C8B: variants seen among roughly 807,000 people sequenced by gnomAD.
C8B encodes complement component C8 beta chain.
C8B carries 67 observed loss-of-function variants against 64.6 expected under a neutral mutation model. That is an observed-to-expected ratio of 1.04 (90% CI 0.85 to 1.27). The LOEUF (loss-of-function observed/expected upper bound fraction) is 1.27. Ranked by LOEUF, C8B falls within the 50% of genes most tolerant of loss-of-function variation. The probability of loss-of-function intolerance (pLI) is 0.00; values close to 1 mark genes in which losing one functional copy is unlikely to be tolerated. For synonymous variants in C8B, 284 were observed against 257.7 expected (o/e 1.10, Z -0.98); for missense variants, 790 against 725.2 (o/e 1.09, Z -1.03).
chr1:56,952,002 G>T (rs758716138), intron 5 of C8B, 46 bp downstream of exon 5: 14 of 1,611,808 alleles, frequency 8.7e-6, no homozygotes, highest in East Asian at 2.2e-5. Flanking sequence ...CTGCTAACTG[G>T]GTGCTCAGCT....
chr1:56,960,239 A>G (rs1038598375), intron 1 of C8B, 63 bp from the exon 2 acceptor site: 2 of 1,433,984 alleles, frequency 1.4e-6, no homozygotes, highest in Admixed American at 3.3e-5. Context: ...ACATCCAACC[A>G]TCTATTTGTA....
rs375513059 is a variant in C8B at position 56,952,140 on chromosome 1, C to A, written c.574G>T (p.Asp192Tyr). ...CATCCACCTGCATAATACCTGTGAT[C>A]AAGAACTGGGCCCTCAAAACTGTTT... ...FTNSFEGPVL[D>Y]HRYYAGGCSP... The change falls in exon 5 of 12, where the codon GAT (aspartate) becomes TAT (tyrosine). Residue 192 changes from aspartate (D) to tyrosine (Y), a missense_variant. Asp to Tyr is a radical substitution (Grantham distance 160). Coordinates refer to ENST00000371237, the MANE Select transcript of C8B (RefSeq NM_000066.4). 9 of 1,614,054 alleles carry A rather than the reference C, an allele frequency of 5.6e-6. No homozygotes were observed. In the Middle Eastern group the frequency reaches 4.9e-4, roughly 88 times the overall value.
chr1:56,936,424 T>C (rs997799013), intron 9 of C8B, among the ~76,000 whole-genome samples: 4 of 152,108 alleles, frequency 2.6e-5, no homozygotes, highest in Non-Finnish European at 5.9e-5. Flanking sequence ...TGCATCTTTA[T>C]AAACCAACTG....
chr1:56,962,011 A>G (rs1290533773), intron 1 of C8B, among the ~76,000 whole-genome samples: 1 of 152,196 alleles, frequency 6.6e-6, no homozygotes, highest in African/African-American at 2.4e-5. Context: ...TGTATTTGAC[A>G]GCTCTGCAGG....
At chr1:56,939,497 T>A (rs894545422) in intron 9 of C8B, among the ~76,000 whole-genome samples, 1 of 152,182 alleles carries the variant, frequency 6.6e-6, no homozygotes, top group Non-Finnish European at 1.5e-5. Flanking sequence ...CCACCTTGAC[T>A]GCAAGGTGGG....
chr1:56,933,351 T>A lies in C8B; in HGVS notation c.1536A>T (p.Gly512=), dbSNP rs760046072. ...AAGTGGTACCTTTCAGGACAGGGAC[T>A]CCATTTCCTTGGCAGGGAGCACAGT... ...SCHCAPCQGN[G]VPVLKGSRCD... The change falls in exon 10 of 12, where the codon GGA becomes GGT. Residue 512 remains glycine, a synonymous_variant. Coordinates refer to ENST00000371237, the MANE Select transcript of C8B (RefSeq NM_000066.4). 1 of 1,613,780 alleles carries A rather than the reference T, an allele frequency of 6.2e-7. No homozygotes were observed. Among genetic ancestry groups the A allele is most frequent in the Middle Eastern group, 1.7e-4 (1 of 6,060 alleles).
chr1:56,949,771 AGG>A lies in C8B; in HGVS notation c.667-21_667-20del. On this transcript the variant is annotated intron_variant, in intron 5 of 11. Transcript: ENST00000371237. ...CTTGGGTCTAAAGAAGAAAAAAGAA[AGG>A]GTTTTTTATTTCATTTGACTCAAAT... 1 of 1,569,844 alleles carries A rather than the reference AGG, an allele frequency of 6.4e-7. No homozygotes were observed. The highest frequency in any genetic ancestry group is 1.7e-5 in the Admixed American group (1 of 59,004).
Position 56,956,692 on chromosome 1 carries a change from C to G in C8B, c.391+77G>C, listed in dbSNP as rs979576377. The G allele has an allele frequency of 1.6e-5, 25 of 1,537,010 alleles. No homozygotes were observed. In the East Asian group the frequency reaches 5.4e-4, roughly 33 times the overall value. On this transcript the variant is annotated intron_variant, in intron 3 of 11. Coordinates refer to ENST00000371237, the MANE Select transcript of C8B (RefSeq NM_000066.4). ...CATGACCCTGATCTTGAGCACTGGA[C>G]ATGGCCTGTCCCTTGGTCATCAAGA...
chr1:56,946,214 A>T (rs1644940503), intron 6 of C8B, among the ~76,000 whole-genome samples, 153 bp from the exon 7 acceptor site: 1 of 152,124 alleles, frequency 6.6e-6, no homozygotes, highest in African/African-American at 2.4e-5. Context: ...AGCCTCTTTG[A>T]CAAGCTTTCA....
chr1:56,931,734 C>A, intron 11 of C8B, 76 bp downstream of exon 11: 1 of 998,704 alleles, frequency 1.0e-6, no homozygotes, highest in East Asian at 2.5e-5. Flanking sequence ...GCCCCACACT[C>A]CACACCAGCT....
At chr1:56,953,804 T>G (rs1645060343) in intron 4 of C8B, among the ~76,000 whole-genome samples, 1 of 152,200 alleles carries the variant, frequency 6.6e-6, no homozygotes, top group South Asian at 2.1e-4. Flanking sequence ...TGGCTTTGAA[T>G]GTCTGCTATC....
In C8B at chr1:56,940,957, C is replaced by T. The variant is rs942930014; in HGVS notation, c.1290G>A (p.Gly430=). Residue 430 remains glycine (G), a synonymous_variant, in exon 9 of 12, where the codon GGG becomes GGA. Coordinates refer to ENST00000371237, the MANE Select transcript of C8B (RefSeq NM_000066.4). The part of the protein sequence containing the change: ...VEDLVVLVRG[G]ASEHITTLAY... ...CCAGGGTGGTGATGTGCTCACTTGC[C>T]CCTCCTCGTACCAGGACCACCAAGT... 2.5e-6 allele frequency: 4 copies of T among 1,613,758 alleles called. No homozygotes were observed. The highest frequency in any genetic ancestry group is 3.4e-6 in the Non-Finnish European group (4 of 1,179,914).
intron 4 of C8B, among the ~76,000 whole-genome samples, chr1:56,953,243 C>A (rs528946572): frequency 6.6e-6 from 1 of 152,330 alleles, no homozygotes; most frequent in Non-Finnish European, 1.5e-5. Flanking sequence ...TGTCTCCTAT[C>A]AGCTTCCACT....
Position 56,940,967 on chromosome 1 carries a change from A to G in C8B, c.1280T>C (p.Val427Ala), listed in dbSNP as rs930318268. Reference protein sequence around the residue: ...DTMVEDLVVLVRGGASEHITT... With the variant: ...DTMVEDLVVLARGGASEHITT... The stretch of plus-strand genomic sequence containing the variant: ...GATGTGCTCACTTGCCCCTCCTCGT[A>G]CCAGGACCACCAAGTCCTCCACCAT... Residue 427 changes from valine (V) to alanine (A), a missense_variant, in exon 9 of 12, where the codon GTA (valine) becomes GCA (alanine). By Grantham distance (64) the Val-to-Ala change is moderately conservative. Transcript: ENST00000371237. The G allele has an allele frequency of 2.5e-6, 4 of 1,613,918 alleles. No individual in the cohort carries two copies. Among genetic ancestry groups the G allele is most frequent in the African/African-American group, 2.7e-5 (2 of 74,862 alleles).
At chr1:56,943,426 CTATAGT>C in intron 8 of C8B, among the ~76,000 whole-genome samples, 1 of 152,162 alleles carries the variant, frequency 6.6e-6, no homozygotes, top group Non-Finnish European at 1.5e-5. Context: ...AGTGAACTAA[CTATAGT>C]TATACACAAA....
chr1:56,959,911 T>G lies in C8B; in HGVS notation c.249+109A>C, dbSNP rs1645152925. 5 of 1,223,482 alleles carry G rather than the reference T, an allele frequency of 4.1e-6. No homozygotes were observed. In the South Asian group the frequency reaches 6.3e-5, roughly 15 times the overall value. The allele number at this position is 1,223,482 out of a possible 1,614,324, so 75.8% of individuals were successfully genotyped here. A position where few individuals can be genotyped will look rare whatever the true frequency, so the allele number is the denominator to read the frequency against. On this transcript the variant is annotated intron_variant, in intron 2 of 11. Coordinates refer to ENST00000371237, the MANE Select transcript of C8B (RefSeq NM_000066.4). ...GATGCATTTATTAAGTTAGCCGACA[T>G]TTATTGAGGGCCAACTATGTGCCAG...
intron 3 of C8B, among the ~76,000 whole-genome samples, chr1:56,955,541 T>A (rs1341220323): frequency 6.6e-6 from 1 of 152,234 alleles, no homozygotes; most frequent in South Asian, 2.1e-4. Context: ...TCCTCAGATA[T>A]GTCTGGTCAT....
At chr1:56,947,457 C>T (rs534450947) in intron 6 of C8B, among the ~76,000 whole-genome samples, 23 of 152,306 alleles carry the variant, frequency 1.5e-4, no homozygotes, top group Admixed American at 5.2e-4. Context: ...ATGTTATTTT[C>T]TCCCTTTTCT....
intron 11 of C8B, 59 bp from the exon 12 acceptor site, chr1:56,929,617 T>G (rs1644667212): frequency 1.9e-6 from 3 of 1,552,812 alleles, no homozygotes; most frequent in African/African-American, 2.7e-5. Context: ...GGTGCCTTAC[T>G]GGGGTTGGGT....
Sources: gnomAD v4.1 joint callset for allele counts (sites outside exome capture counted in the v4.1 genomes callset) on GRCh38, gnomAD v4.1.1 for gene constraint, MANE v1.5 for transcripts, NCBI Gene and HGNC (gene_info 2026-07-23, HGNC 2026-07-21) for gene names.